GOLGA8A: variants seen among roughly 807,000 people sequenced by gnomAD.
GOLGA8A encodes the protein golgin A8 family member A.
A neutral mutation model predicts 22.1 loss-of-function variants in GOLGA8A; 3 were observed. The observed-to-expected ratio is 0.14, with a 90% CI of 0.06 to 0.35. GOLGA8A has a LOEUF of 0.35. Ranked by LOEUF, GOLGA8A falls within the 10% of genes least tolerant of loss-of-function variation. GOLGA8A has a pLI of 1.00. For synonymous variants in GOLGA8A, 7 were observed against 91.7 expected, an observed-to-expected ratio of 0.08 and a Z score of 5.28; for missense variants, 16 against 233.2, an observed-to-expected ratio of 0.07 and a Z score of 6.07.
chr15:34,431,419 C>T (rs1429029895), intron 2 of GOLGA8A, among the ~76,000 whole-genome samples: 4 of 144,352 alleles, frequency 2.8e-5, no homozygotes, highest in Admixed American at 2.1e-4. Context: ...CACACTCATG[C>T]GTCACTTAAC....
intron 2 of GOLGA8A, chr15:34,420,125 TA>T (rs1892737554): frequency 6.7e-6 from 1 of 148,912 alleles, no homozygotes. Flanking sequence ...GTATTTACCA[TA>T]ATTTTTAAAA....
At chr15:34,405,757 C>T (rs539450402) in intron 4 of GOLGA8A, among the ~76,000 whole-genome samples, 5,180 of 138,128 alleles carry the variant, frequency 0.038, 285 homozygotes, top group African/African-American at 0.079. Context: ...TCACTTGCAT[C>T]AGAGCCTGGG....
chr15:34,420,633 G>C (rs1892760671), intron 2 of GOLGA8A, among the ~76,000 whole-genome samples: 1 of 132,328 alleles, frequency 7.6e-6, no homozygotes, highest in Admixed American at 7.8e-5. Context: ...TCAAGAACCT[G>C]AGTTTCTTTC....
chr15:34,431,820 GTAAC>G (rs1418897734), intron 2 of GOLGA8A, among the ~76,000 whole-genome samples: 2 of 148,274 alleles, frequency 1.3e-5, no homozygotes, highest in Non-Finnish European at 3.0e-5. Context: ...TTAAAATAAA[GTAAC>G]TGCACTACAA....
At chr15:34,433,390 C>T (rs115156403) in intron 2 of GOLGA8A, among the ~76,000 whole-genome samples, 14,840 of 148,878 alleles carry the variant, frequency 0.1, 1,836 homozygotes, top group South Asian at 0.25. Context: ...AGGGACCACC[C>T]GGGTGCAGAG....
At position 34,379,917 on chromosome 15, in the gene GOLGA8A, G is replaced by GT. The variant is rs1412562017; in HGVS notation, c.*1493dup. On this transcript the variant is annotated 3_prime_UTR_variant, in exon 25 of 25. Transcript: ENST00000359187. ...GACTGAAAATGAGAGGTACAAAAAC[G>GT]TATTTCACTCTTCGTAAAGAAGTTT... 6.6e-6 allele frequency: 1 copy of GT among 152,584 alleles called. No homozygotes were observed. The highest frequency in any genetic ancestry group is 1.5e-5 in the Non-Finnish European group (1 of 68,048). 9.5% of individuals were successfully genotyped at this position (152,584 alleles called of 1,614,324 possible).
rs1454853484 is a variant in GOLGA8A at position 34,421,566 on chromosome 15, CAAGT to C, written c.-1123+13813_-1123+13816del. ...CGTTTTCAAGCAACACACAATGATACAAGTAAGTCCTCAAGAAGACTGCATGGGT... is the reference window on the plus strand; with the variant it reads ...CGTTTTCAAGCAACACACAATGATACAAGTCCTCAAGAAGACTGCATGGGT... On this transcript the variant is annotated intron_variant, in intron 2 of 24. Transcript: ENST00000359187. 4.2e-5 allele frequency among the ~76,000 whole-genome samples: 6 copies of C among 143,550 alleles called. 1 individual carries two copies. The highest frequency in any genetic ancestry group is 1.5e-4 in the African/African-American group (6 of 39,144). 94.2% of individuals were successfully genotyped at this position (143,550 alleles called of 152,430 possible).
intron 6 of GOLGA8A, 95 bp downstream of exon 6, chr15:34,400,616 TG>T (rs1892021226): frequency 2.2e-5 from 3 of 138,524 alleles, no homozygotes; most frequent in Admixed American, 1.5e-4. Flanking sequence ...AGTTTTTTTG[TG>T]TTTTGTTTTT....
intron 1 of GOLGA8A, among the ~76,000 whole-genome samples, chr15:34,436,014 C>G (rs531338852): frequency 7.4e-5 from 11 of 149,198 alleles, no homozygotes; most frequent in African/African-American, 2.7e-4. Context: ...GCAGCCCCCA[C>G]GGTCACCCAG....
Position 34,435,120 on chromosome 15 carries a change from T to G in GOLGA8A, c.-1123+263A>C, listed in dbSNP as rs1244042884. 1.3e-5 allele frequency among the ~76,000 whole-genome samples: 2 copies of G among 149,302 alleles called. 1 individual carries two copies. Among genetic ancestry groups the G allele is most frequent in the Admixed American group, 1.3e-4 (2 of 14,834 alleles). On this transcript the variant is annotated intron_variant, in intron 2 of 24. Coordinates refer to ENST00000359187, the MANE Select transcript of GOLGA8A (RefSeq NM_181077.5). Reference sequence around the variant, plus strand: ...ACCTATTAAGTCACCGGGGCAGGTATGCATGGCAGAGGACACGGAGGAGTG... The same window carrying G: ...ACCTATTAAGTCACCGGGGCAGGTAGGCATGGCAGAGGACACGGAGGAGTG...
At chr15:34,436,190 G>C (rs1219591167) in intron 1 of GOLGA8A, among the ~76,000 whole-genome samples, 1 of 149,344 alleles carries the variant, frequency 6.7e-6, no homozygotes, top group South Asian at 2.1e-4. Flanking sequence ...CAGGCTCCTG[G>C]CACCTGCCAA....
At chr15:34,411,422 A>G (rs1446853061) in intron 2 of GOLGA8A, among the ~76,000 whole-genome samples, 1 of 98,588 alleles carries the variant, frequency 1.0e-5, no homozygotes, top group East Asian at 2.7e-4. Context: ...GAATTCATGA[A>G]TGTGTGTGTG....
rs879599948 is a variant in GOLGA8A, at chr15:34,428,096, C to CTT, written c.-1123+7285_-1123+7286dup. 1.5e-4 allele frequency among the ~76,000 whole-genome samples: 21 copies of CTT among 138,666 alleles called. 2 individuals carry two copies. The highest frequency in any genetic ancestry group is 1.2e-3 in the Admixed American group (16 of 13,480). 91.0% of individuals were successfully genotyped at this position (138,666 alleles called of 152,430 possible). A position where few individuals can be genotyped will look rare whatever the true frequency, so the allele number is the denominator to read the frequency against. ...GCTTTCTCTCCTTCAAATCAGACTT[C>CTT]TTTTTTTTTTTTTGAGAGAGAGAAG... On this transcript the variant is annotated intron_variant, in intron 2 of 24. Coordinates refer to ENST00000359187, the MANE Select transcript of GOLGA8A (RefSeq NM_181077.5).
In GOLGA8A at chr15:34,416,317, C is replaced by G. The variant is rs890081656; in HGVS notation, c.-1122-8582G>C. On this transcript the variant is annotated intron_variant, in intron 2 of 24. Transcript: ENST00000359187. The stretch of plus-strand genomic sequence containing the variant: ...TATATTCACAAGTGTCTTTAAGGAG[C>G]TATTTTGATACTCTTTTGTCCTCTC... The G allele has an allele frequency of 2.7e-5, 4 of 147,646 alleles. 1 individual carries two copies. The East Asian group carries it at 8.3e-4, about 31-fold the overall frequency. The allele number at this position is 147,646 out of a possible 1,614,324, so 9.1% of individuals were successfully genotyped here.
At chr15:34,424,668 T>C (rs1383080537) in intron 2 of GOLGA8A, among the ~76,000 whole-genome samples, 4 of 125,766 alleles carry the variant, frequency 3.2e-5, no homozygotes, top group African/African-American at 1.2e-4. Flanking sequence ...AAGGACTTTT[T>C]ACATAAATCA....
At chr15:34,405,437 T>C (rs1168100824) in intron 4 of GOLGA8A, among the ~76,000 whole-genome samples, 1 of 147,072 alleles carries the variant, frequency 6.8e-6, no homozygotes, top group African/African-American at 2.5e-5. Context: ...CAGGTTCAAG[T>C]GATTCTCGTG....
intron 2 of GOLGA8A, among the ~76,000 whole-genome samples, chr15:34,428,268 AT>A (rs1287717895): frequency 2.0e-5 from 3 of 147,024 alleles, no homozygotes; most frequent in Non-Finnish European, 4.5e-5. Context: ...TAATTTTTCT[AT>A]TTTTTTGTAG....
chr15:34,434,624 A>C (rs1335385240), intron 2 of GOLGA8A, among the ~76,000 whole-genome samples: 3 of 149,042 alleles, frequency 2.0e-5, no homozygotes, highest in African/African-American at 7.4e-5. Context: ...ACTCTGGGAA[A>C]GGAAGGAGCC....
At chr15:34,410,594 G>A (rs2063373276) in intron 2 of GOLGA8A, 3 of 246,340 alleles carry the variant, frequency 1.2e-5, no homozygotes, top group Non-Finnish European at 2.0e-5. Flanking sequence ...CTCACGAGCA[G>A]GTAGGACTCT....
Sources: allele counts gnomAD v4.1 joint callset (sites outside exome capture counted in the v4.1 genomes callset), GRCh38; gene constraint gnomAD v4.1.1; transcripts MANE v1.5; gene names NCBI Gene and HGNC (gene_info 2026-07-23, HGNC 2026-07-21).